The following MTUS1 variants were observed in gnomAD, a reference collection of about 807,000 sequenced individuals.
MTUS1 encodes the protein microtubule-associated tumor suppressor 1.
In MTUS1, 109 loss-of-function variants were observed where a neutral mutation model predicts 120.8. The observed-to-expected ratio is 0.90, with a 90% confidence interval of 0.77 to 1.06. MTUS1 has a LOEUF of 1.06. MTUS1 is among the 50% of genes least tolerant of loss of function. The pLI is 0.00. For synonymous variants in MTUS1, 737 were observed against 550.5 expected (o/e 1.34, Z -4.74); for missense variants, 2,210 against 1,486.3 (o/e 1.49, Z -8.01).
chr8:17,695,407 G>T (rs1817750843), intron 6 of MTUS1, among the ~76,000 whole-genome samples: 1 of 152,176 alleles, frequency 6.6e-6, no homozygotes, highest in South Asian at 2.1e-4. Context: ...ACTTCTCTGG[G>T]CCTCAGACTT....
chr8:17,771,727 G>C (rs2050037938), intron 1 of MTUS1, among the ~76,000 whole-genome samples: 2 of 152,130 alleles, frequency 1.3e-5, no homozygotes, highest in Non-Finnish European at 2.9e-5. Context: ...TTACAACAAA[G>C]ACAATTTTAC....
intron 7 of MTUS1, among the ~76,000 whole-genome samples, chr8:17,680,910 A>C (rs1308496769): frequency 4.0e-5 from 6 of 151,698 alleles, no homozygotes; most frequent in Non-Finnish European, 8.8e-5. Flanking sequence ...TACAAGGTGG[A>C]CTTGTGTTCT....
chr8:17,706,816 G>A (rs1156281900), intron 6 of MTUS1, among the ~76,000 whole-genome samples: 2 of 152,310 alleles, frequency 1.3e-5, no homozygotes, highest in African/African-American at 2.4e-5. Flanking sequence ...TCTGCTAAAT[G>A]TAAAAGTGAT....
At chr8:17,725,275 A>G (rs961697765) in intron 3 of MTUS1, among the ~76,000 whole-genome samples, 1 of 152,176 alleles carries the variant, frequency 6.6e-6, no homozygotes, top group Non-Finnish European at 1.5e-5. Flanking sequence ...AGTAATGCCC[A>G]TTGCTTTGTT....
At chr8:17,684,666 A>G in intron 6 of MTUS1, 124 bp from the exon 7 acceptor site, 1 of 722,056 alleles carries the variant, frequency 1.4e-6, no homozygotes, top group South Asian at 1.6e-5. Flanking sequence ...GCTGTAAGGA[A>G]TGCATATGGA....
intron 2 of MTUS1, among the ~76,000 whole-genome samples, chr8:17,752,276 G>C (rs1196275501): frequency 6.6e-6 from 1 of 152,054 alleles, no homozygotes; most frequent in Non-Finnish European, 1.5e-5. Flanking sequence ...ACCAAAAAAA[G>C]TCTCCCATAA....
intron 4 of MTUS1, among the ~76,000 whole-genome samples, chr8:17,718,446 G>A (rs1206087677): frequency 3.3e-5 from 5 of 152,022 alleles, no homozygotes; most frequent in Admixed American, 2.6e-4. Context: ...CTGAATATCG[G>A]GTATGGGAAT....
At position 17,731,997 on chromosome 8, in the gene MTUS1, G is replaced by A. The variant is rs147109150; in HGVS notation, c.2288-8164C>T. Among the ~76,000 whole-genome samples the A allele has an allele frequency of 7.7e-3, 1,169 of 152,282 alleles. 13 individuals are homozygous for A. The highest frequency in any genetic ancestry group is 0.027 in the African/African-American group (1,129 of 41,550). On this transcript the variant is annotated intron_variant, in intron 3 of 14. Coordinates refer to ENST00000693296, the MANE Select transcript of MTUS1 (RefSeq NM_001363059.2). ...TACCCATCAGACATAAGGACAAGAG[G>A]GCGAAGGGGGAGCTGCTGCATGGGT...
At chr8:17,692,048 T>G (rs1817046008) in intron 6 of MTUS1, 1 of 152,098 alleles carries the variant, frequency 6.6e-6, no homozygotes, top group African/African-American at 2.4e-5. Context: ...ACGCATAGAA[T>G]AGAGAAAAAA....
intron 1 of MTUS1, among the ~76,000 whole-genome samples, chr8:17,776,494 C>T (rs866222680): frequency 2.0e-5 from 3 of 151,856 alleles, no homozygotes; most frequent in Non-Finnish European, 2.9e-5. Context: ...GCCTGGCCAA[C>T]GTGGTGAAAC....
At chr8:17,717,423 G>T (rs1258136908) in intron 4 of MTUS1, among the ~76,000 whole-genome samples, 1 of 152,148 alleles carries the variant, frequency 6.6e-6, no homozygotes, top group African/African-American at 2.4e-5. Context: ...TAGCATTTTA[G>T]CTTTTGCTGA....
At chr8:17,761,070 A>G (rs556940263) in intron 1 of MTUS1, among the ~76,000 whole-genome samples, 1 of 152,272 alleles carries the variant, frequency 6.6e-6, no homozygotes, top group African/African-American at 2.4e-5. Flanking sequence ...CCACTTATTA[A>G]AGAGCTGGGA....
At chr8:17,697,694 T>C in intron 6 of MTUS1, 1 of 1,017,766 alleles carries the variant, frequency 9.8e-7, no homozygotes, top group Non-Finnish European at 1.2e-6. Flanking sequence ...GTTGTTATGG[T>C]TTTCATCCGA....
At position 17,765,618 on chromosome 8, in the gene MTUS1, C is replaced by CAAAAA. The variant is rs3039983; in HGVS notation, c.-154-9662_-154-9658dup. ...TAGGAAACAGAGCAAGACTCTGTCT[C>CAAAAA]AAAAAAAAAAAAAAAAGACTAGCTG... On this transcript the variant is annotated intron_variant, in intron 1 of 14. Transcript: ENST00000693296. 4.3e-4 allele frequency among the ~76,000 whole-genome samples: 41 copies of CAAAAA among 94,480 alleles called. 3 individuals carry two copies. Among genetic ancestry groups the CAAAAA allele is most frequent in the African/African-American group, 1.6e-3 (35 of 22,218 alleles). 62.0% of individuals were successfully genotyped at this position (94,480 alleles called of 152,430 possible). A position where few individuals can be genotyped will look rare whatever the true frequency, so the allele number is the denominator to read the frequency against.
At chr8:17,797,397 A>T (rs1007222641) in intron 1 of MTUS1, among the ~76,000 whole-genome samples, 1 of 151,956 alleles carries the variant, frequency 6.6e-6, no homozygotes, top group African/African-American at 2.4e-5. Flanking sequence ...TGGGTGACAC[A>T]GCAATATCCC....
intron 1 of MTUS1, chr8:17,770,421 T>C (rs2049937093): frequency 6.6e-6 from 1 of 152,206 alleles, no homozygotes; most frequent in Admixed American, 6.5e-5. Context: ...CATACCAAGC[T>C]AACTTACCTA....
At chr8:17,788,341 A>T (rs972635137) in intron 1 of MTUS1, among the ~76,000 whole-genome samples, 1 of 152,166 alleles carries the variant, frequency 6.6e-6, no homozygotes, top group African/African-American at 2.4e-5. Context: ...TCTTATTGGA[A>T]TCTACAGATT....
Position 17,721,997 on chromosome 8 carries a change from A to G in MTUS1, c.2449+1675T>C, listed in dbSNP as rs1383857755. ...CTCTTAGTGAATTCGAATGGAGGGA[A>G]AAAAAAAAAAATGCGTAAGCTCCAA... is the stretch of plus-strand genomic sequence containing the variant. On this transcript the variant is annotated intron_variant, in intron 4 of 14. Transcript: ENST00000693296. 413 of 921,516 alleles carry G rather than the reference A, an allele frequency of 4.5e-4. No homozygotes were observed. The South Asian group carries it at 0.011, about 24-fold the overall frequency. 57.1% of individuals were successfully genotyped at this position (921,516 alleles called of 1,614,324 possible). A position where few individuals can be genotyped will look rare whatever the true frequency, so the allele number is the denominator to read the frequency against.
chr8:17,747,065 T>C (rs1431447016), intron 2 of MTUS1, among the ~76,000 whole-genome samples: 1 of 152,204 alleles, frequency 6.6e-6, no homozygotes, highest in African/African-American at 2.4e-5. Flanking sequence ...ATCTGCCTGC[T>C]AGGGCAATCT....
Sources: allele counts gnomAD v4.1 joint callset (sites outside exome capture counted in the v4.1 genomes callset), GRCh38; gene constraint gnomAD v4.1.1; transcripts MANE v1.5; gene names NCBI Gene and HGNC (gene_info 2026-07-23, HGNC 2026-07-21).